UBE2D3: variants seen among roughly 807,000 people sequenced by gnomAD.
The protein encoded by UBE2D3 is ubiquitin-conjugating enzyme E2 D3.
Under a neutral mutation model 22.8 loss-of-function variants are expected in UBE2D3, and 2 were observed. The ratio of observed to expected loss-of-function variants is 0.09; its 90% CI spans 0.04 to 0.28. The LOEUF (loss-of-function observed/expected upper bound fraction) is 0.28. UBE2D3 is among the 10% of genes least tolerant of loss of function. The pLI is 1.00. For missense variants in UBE2D3, 27 were observed against 182.5 expected, an observed-to-expected ratio of 0.15 and a Z score of 4.91; for synonymous variants, 56 against 60.4, an observed-to-expected ratio of 0.93 and a Z score of 0.34.
intron 1 of UBE2D3, among the ~76,000 whole-genome samples, chr4:102,848,941 G>A (rs1198110297): frequency 6.6e-6 from 1 of 151,424 alleles, no homozygotes; most frequent in Non-Finnish European, 1.5e-5. Flanking sequence ...GTGTGTGTGT[G>A]TGTGTGTGTG....
At chr4:102,803,112 G>GA (rs1726463819) in intron 4 of UBE2D3, among the ~76,000 whole-genome samples, 1 of 152,132 alleles carries the variant, frequency 6.6e-6, no homozygotes, top group African/African-American at 2.4e-5. Context: ...GGAGAACAGA[G>GA]AAAAGCCTAA....
At chr4:102,827,586 T>G (rs1730786566), upstream of UBE2D3, 20 of 986,626 alleles carry the variant, frequency 2.0e-5, no homozygotes, top group Non-Finnish European at 2.4e-5. Flanking sequence ...CTCCCCCTCC[T>G]CCTGCCTCTT....
chr4:102,798,317 T>C (rs1356657249), intron 7 of UBE2D3, among the ~76,000 whole-genome samples: 1 of 145,292 alleles, frequency 6.9e-6, no homozygotes, highest in East Asian at 2.0e-4. Flanking sequence ...AATTTTTATA[T>C]TGTTTAAATA....
intron 1 of UBE2D3, among the ~76,000 whole-genome samples, chr4:102,849,659 T>C (rs1732241041): frequency 6.6e-6 from 1 of 152,148 alleles, no homozygotes; most frequent in African/African-American, 2.4e-5. Context: ...CATCTCCAAA[T>C]GTTAAGTACC....
intron 2 of UBE2D3, chr4:102,819,544 T>C (rs1729260006): frequency 5.1e-6 from 5 of 984,962 alleles, no homozygotes; most frequent in Non-Finnish European, 6.0e-6. Context: ...AAAGGTAGCA[T>C]TTATGAAAAC....
chr4:102,830,615 G>C (rs1246237231), upstream of UBE2D3, among the ~76,000 whole-genome samples: 1 of 152,244 alleles, frequency 6.6e-6, no homozygotes. Context: ...TGTAATCCCA[G>C]CACTTTGTGA....
chr4:102,824,130 A>G (rs1002262480), intron 2 of UBE2D3, among the ~76,000 whole-genome samples: 3 of 152,230 alleles, frequency 2.0e-5, no homozygotes, highest in Admixed American at 6.5e-5. Context: ...TGCACACGTC[A>G]AAGTTTCTGT....
At chr4:102,801,602 A>C (rs1726160001) in intron 5 of UBE2D3, 43 bp from the exon 6 acceptor site, 2 of 1,463,070 alleles carry the variant, frequency 1.4e-6, no homozygotes, top group African/African-American at 1.4e-5. Context: ...ATAAAAACAA[A>C]CATCTTTTAA....
Position 102,825,132 on chromosome 4 carries a change from G to T in UBE2D3, c.24+1353C>A, listed in dbSNP as rs76678771. 5.8e-3 allele frequency: 3,025 copies of T among 522,372 alleles called. 28 individuals are homozygous for T. Among genetic ancestry groups the T allele is most frequent in the African/African-American group, 0.036 (1,738 of 48,076 alleles). 32.4% of individuals were successfully genotyped at this position (522,372 alleles called of 1,614,324 possible). A position where few individuals can be genotyped will look rare whatever the true frequency, so the allele number is the denominator to read the frequency against. Reference sequence around the variant, plus strand: ...TAAACTCCAGTCATAATTAAATACAGGCAAATGTAGTATCAGGTCTATTTT... The same window carrying T: ...TAAACTCCAGTCATAATTAAATACATGCAAATGTAGTATCAGGTCTATTTT... On this transcript the variant is annotated intron_variant, in intron 2 of 7. Transcript: ENST00000453744.
chr4:102,802,984 T>C (rs1339890699), intron 4 of UBE2D3, among the ~76,000 whole-genome samples: 1 of 152,172 alleles, frequency 6.6e-6, no homozygotes, highest in African/African-American at 2.4e-5. Context: ...ATTTTACACA[T>C]GTAGATTATT....
At chr4:102,819,782 G>A (rs939363366) in intron 2 of UBE2D3, among the ~76,000 whole-genome samples, 13 of 152,160 alleles carry the variant, frequency 8.5e-5, no homozygotes, top group African/African-American at 2.4e-4. Context: ...TCATACAGAG[G>A]ACAGAACGCA....
chr4:102,822,323 G>T (rs1729745791), intron 2 of UBE2D3, among the ~76,000 whole-genome samples: 1 of 152,144 alleles, frequency 6.6e-6, no homozygotes. Context: ...CTATCAACAA[G>T]CTTTGAGGAC....
intron 1 of UBE2D3, 174 bp from the exon 2 acceptor site, chr4:102,826,810 C>T: frequency 4.9e-6 from 6 of 1,217,516 alleles, no homozygotes; most frequent in African/African-American, 1.6e-5. Flanking sequence ...ACGGGAAGAG[C>T]GGAGGTGGTG....
intron 1 of UBE2D3, chr4:102,843,962 TG>T: frequency 6.6e-6 from 1 of 151,636 alleles, no homozygotes; most frequent in Non-Finnish European, 1.5e-5. Flanking sequence ...AGAATGGGGG[TG>T]GGGGGACATT....
At chr4:102,862,976 C>T (rs1732967834) in intron 1 of UBE2D3, among the ~76,000 whole-genome samples, 2 of 152,112 alleles carry the variant, frequency 1.3e-5, no homozygotes, top group South Asian at 4.1e-4. Context: ...CCCATGAATA[C>T]ACAGTTCACA....
At chr4:102,860,442 CTTT>C (rs1436695508) in intron 1 of UBE2D3, among the ~76,000 whole-genome samples, 2 of 148,518 alleles carry the variant, frequency 1.3e-5, no homozygotes, top group East Asian at 3.9e-4. Context: ...TGTGTGTGTT[CTTT>C]TAAGCCTTGT....
At chr4:102,818,619 T>C (rs1261716524) in intron 2 of UBE2D3, among the ~76,000 whole-genome samples, 1 of 152,106 alleles carries the variant, frequency 6.6e-6, no homozygotes, top group Non-Finnish European at 1.5e-5. Flanking sequence ...GTGGGCACCA[T>C]GGTAGAAAAT....
At chr4:102,842,778 G>A (rs1015598621) in intron 1 of UBE2D3, among the ~76,000 whole-genome samples, 1 of 152,132 alleles carries the variant, frequency 6.6e-6, no homozygotes, top group African/African-American at 2.4e-5. Flanking sequence ...TAGTACAATT[G>A]GGTAAGCTGT....
chr4:102,846,741 G>A (rs1047725571), intron 1 of UBE2D3, among the ~76,000 whole-genome samples: 1 of 152,084 alleles, frequency 6.6e-6, no homozygotes, highest in African/African-American at 2.4e-5. Flanking sequence ...CTGGGCTCAA[G>A]TGATCCTCCC....
Sources: gnomAD v4.1 joint callset for allele counts (sites outside exome capture counted in the v4.1 genomes callset) on GRCh38, gnomAD v4.1.1 for gene constraint, MANE v1.5 for transcripts, NCBI Gene and HGNC (gene_info 2026-07-23, HGNC 2026-07-21) for gene names.